CFAP251: variants seen among roughly 807,000 people sequenced by gnomAD.
The protein encoded by CFAP251 is cilia and flagella associated protein 251, also known as cilia- and flagella-associated protein 251.
A neutral mutation model predicts 126.7 loss-of-function variants in CFAP251; 93 were observed. The observed-to-expected ratio is 0.73, with a 90% CI of 0.62 to 0.87. The LOEUF is 0.87. CFAP251 is among the 40% of genes least tolerant of loss of function. The pLI is 0.00. For missense variants in CFAP251, 1,287 were observed against 1,389.2 expected, an observed-to-expected ratio of 0.93 and a Z score of 1.17; for synonymous variants, 503 against 506.9, an observed-to-expected ratio of 0.99 and a Z score of 0.10.
At chr12:121,957,871 A>G (rs830124) in intron 11 of CFAP251, among the ~76,000 whole-genome samples, 130,527 of 152,106 alleles carry the variant, frequency 0.86, 56,071 homozygotes, top group African/African-American at 0.88. Flanking sequence ...TAGCCACTGC[A>G]GTTAAAGGCA....
chr12:121,924,082 C>T (rs1880304134), intron 3 of CFAP251, 92 bp downstream of exon 3: 3 of 1,387,714 alleles, frequency 2.2e-6, no homozygotes, highest in Non-Finnish European at 1.9e-6. Context: ...AAGAATACCA[C>T]CAGAAGGATA....
At chr12:122,003,228 T>C (rs1372379058) in intron 21 of CFAP251, among the ~76,000 whole-genome samples, 2 of 152,206 alleles carry the variant, frequency 1.3e-5, no homozygotes, top group African/African-American at 4.8e-5. Context: ...AAAGCCCCTC[T>C]TGTTTTTGTT....
intron 3 of CFAP251, among the ~76,000 whole-genome samples, chr12:121,929,903 C>T (rs1565903214): frequency 6.6e-6 from 1 of 152,182 alleles, no homozygotes; most frequent in Non-Finnish European, 1.5e-5. Context: ...GTCTTGAACT[C>T]CTGACCTGAG....
At chr12:121,949,563 C>G (rs1439976156) in intron 8 of CFAP251, 2 of 144,580 alleles carry the variant, frequency 1.4e-5, no homozygotes, top group East Asian at 4.2e-4. Flanking sequence ...GATACATATA[C>G]TGACACAGGG....
intron 15 of CFAP251, among the ~76,000 whole-genome samples, chr12:121,966,427 AT>A (rs1159106051): frequency 8.2e-4 from 45 of 54,702 alleles, no homozygotes; most frequent in East Asian, 2.5e-3. Context: ...TGCCTGGCTA[AT>A]TTTTTTTTTT....
intron 19 of CFAP251, among the ~76,000 whole-genome samples, chr12:121,976,100 C>T (rs1381576732): frequency 1.3e-5 from 2 of 151,826 alleles, no homozygotes; most frequent in African/African-American, 4.8e-5. Context: ...CCTCCACCTC[C>T]TAGGTTCAAG....
chr12:121,957,387 A>G (rs1031410723), intron 11 of CFAP251, 119 bp downstream of exon 11: 1 of 1,037,352 alleles, frequency 9.6e-7, no homozygotes, highest in Admixed American at 2.5e-5. Flanking sequence ...TGATTGTGAT[A>G]ACCACTGGAT....
intron 20 of CFAP251, among the ~76,000 whole-genome samples, chr12:122,000,568 A>G (rs1431082268): frequency 6.6e-6 from 1 of 151,732 alleles, no homozygotes; most frequent in East Asian, 1.9e-4. Flanking sequence ...AAAAGAAAGA[A>G]AAAAAGAAAA....
chr12:121,944,226 C>G (rs998578863), intron 7 of CFAP251, among the ~76,000 whole-genome samples: 3 of 152,160 alleles, frequency 2.0e-5, no homozygotes, highest in African/African-American at 7.2e-5. Flanking sequence ...GATCTAAAAT[C>G]CAAACAGAGG....
chr12:122,000,388 C>T (rs920536968), intron 20 of CFAP251, among the ~76,000 whole-genome samples: 2 of 151,772 alleles, frequency 1.3e-5, no homozygotes, highest in Non-Finnish European at 2.9e-5. Context: ...CCCATCTCTA[C>T]TAAAAATACA....
chr12:121,972,978 C>T (rs910537910), intron 17 of CFAP251, among the ~76,000 whole-genome samples: 1 of 152,216 alleles, frequency 6.6e-6, no homozygotes, highest in African/African-American at 2.4e-5. Context: ...CCTATGTAAC[C>T]AATAGCTGAA....
intron 19 of CFAP251, among the ~76,000 whole-genome samples, chr12:121,978,102 A>T (rs542410908): frequency 9.0e-4 from 136 of 151,306 alleles, no homozygotes; most frequent in African/African-American, 3.2e-3. Context: ...TATATTAAAA[A>T]TTCTCCAAGG....
intron 15 of CFAP251, among the ~76,000 whole-genome samples, chr12:121,962,738 G>A (rs1261995723): frequency 6.6e-6 from 1 of 150,680 alleles, no homozygotes; most frequent in Non-Finnish European, 1.5e-5. Flanking sequence ...AGGATAAAAA[G>A]GTGGGGAGGC....
intron 19 of CFAP251, among the ~76,000 whole-genome samples, chr12:121,979,992 C>T (rs914327683): frequency 3.9e-5 from 6 of 152,250 alleles, no homozygotes; most frequent in Non-Finnish European, 7.3e-5. Context: ...ATCCATGTCG[C>T]TGGGAAGGGT....
Position 121,931,745 on chromosome 12 carries a change from G to A in CFAP251, c.748-1G>A. The A allele has an allele frequency of 6.4e-7, 1 of 1,567,038 alleles. No homozygotes were observed. Among genetic ancestry groups the A allele is most frequent in the Non-Finnish European group, 8.6e-7 (1 of 1,159,592 alleles). Reference sequence around the variant, plus strand: ...TTGCTGGCTTTGCCCTTGTCTTCCAGACCATGACCTGGTCGTTTGGATGGA... The same window carrying A: ...TTGCTGGCTTTGCCCTTGTCTTCCAAACCATGACCTGGTCGTTTGGATGGA... On this transcript the variant is annotated splice_acceptor_variant, in intron 3 of 21. Transcript: ENST00000288912. LOFTEE classifies it high-confidence loss of function.
At chr12:121,958,902 A>AG in intron 12 of CFAP251, 41 bp from the exon 13 acceptor site, 1 of 1,544,724 alleles carries the variant, frequency 6.5e-7, no homozygotes, top group Non-Finnish European at 8.7e-7. Context: ...CTCTTGAATG[A>AG]ATGTAATCCT....
At chr12:121,993,916 C>G in intron 19 of CFAP251, among the ~76,000 whole-genome samples, 1 of 120,980 alleles carries the variant, frequency 8.3e-6, no homozygotes, top group Non-Finnish European at 1.8e-5. Context: ...CCCGGCCGCC[C>G]CTACTGGGAA....
chr12:121,957,007 T>C, intron 10 of CFAP251, 67 bp from the exon 11 acceptor site: 3 of 1,202,534 alleles, frequency 2.5e-6, no homozygotes, highest in South Asian at 1.9e-5. Flanking sequence ...GACATATAAT[T>C]AGGTATTATA....
intron 14 of CFAP251, among the ~76,000 whole-genome samples, chr12:121,961,756 G>C (rs1293235179): frequency 1.3e-5 from 2 of 152,198 alleles, no homozygotes; most frequent in Admixed American, 1.3e-4. Context: ...TGTTTTTAGA[G>C]CACTCAGCTC....
Sources: allele counts gnomAD v4.1 joint callset (sites outside exome capture counted in the v4.1 genomes callset), GRCh38; gene constraint gnomAD v4.1.1; transcripts MANE v1.5; gene names NCBI Gene and HGNC (gene_info 2026-07-23, HGNC 2026-07-21).